Variants in ATP11B observed in about 807,000 individuals in gnomAD.
ATP11B encodes the protein phospholipid-transporting ATPase IF.
ATP11B carries 81 observed loss-of-function variants against 157.8 expected under a neutral mutation model. The ratio of observed to expected loss-of-function variants is 0.51; its 90% CI spans 0.43 to 0.62. The LOEUF (loss-of-function observed/expected upper bound fraction) is 0.62. Ranked by LOEUF, ATP11B falls within the 20% of genes least tolerant of loss-of-function variation. The probability of loss-of-function intolerance (pLI) is 0.00; values close to 1 mark genes in which losing one functional copy is unlikely to be tolerated. For missense variants in ATP11B, 1,165 were observed against 1,402.2 expected, an observed-to-expected ratio of 0.83 and a Z score of 2.70; for synonymous variants, 451 against 469.4, an observed-to-expected ratio of 0.96 and a Z score of 0.51.
intron 19 of ATP11B, among the ~76,000 whole-genome samples, chr3:182,875,518 CACAACCTCCG>C (rs1454302236): frequency 1.3e-5 from 2 of 152,106 alleles, no homozygotes; most frequent in Non-Finnish European, 2.9e-5. Flanking sequence ...CTCGGTTCAC[CACAACCTCCG>C]CCTTCCGGGT....
At chr3:182,845,392 G>A (rs1719432834) in intron 8 of ATP11B, 66 bp from the exon 9 acceptor site, 2 of 1,339,842 alleles carry the variant, frequency 1.5e-6, no homozygotes, top group Non-Finnish European at 2.1e-6. Flanking sequence ...TGCTGAAGAT[G>A]CCATTTCAGA....
chr3:182,875,306 A>G (rs909901797), intron 19 of ATP11B, among the ~76,000 whole-genome samples: 1 of 152,158 alleles, frequency 6.6e-6, no homozygotes, highest in African/African-American at 2.4e-5. Context: ...ATATACATTC[A>G]GTGTTTTCTA....
rs1186373525 is a variant in ATP11B at position 182,921,312 on chromosome 3, C to G, written c.*3208C>G. On this transcript the variant is annotated 3_prime_UTR_variant, in exon 30 of 30. Coordinates refer to ENST00000323116, the MANE Select transcript of ATP11B (RefSeq NM_014616.3). ...TTATTTCTATTTTGAAATGAGTTAT[C>G]TATTTTCATAAAAGTAAAACACTAT... The G allele has an allele frequency of 6.6e-6, 1 of 151,826 alleles. No homozygotes were observed. The highest frequency in any genetic ancestry group is 6.5e-5 in the Admixed American group (1 of 15,274). 9.4% of individuals were successfully genotyped at this position (151,826 alleles called of 1,614,324 possible).
At chr3:182,866,155 A>T in intron 13 of ATP11B, 113 bp from the exon 14 acceptor site, 2 of 749,282 alleles carry the variant, frequency 2.7e-6, no homozygotes, top group Non-Finnish European at 4.0e-6. Context: ...ACTGTTATTC[A>T]GGCAATCAAG....
chr3:182,911,473 C>A (rs1343380463), intron 28 of ATP11B, among the ~76,000 whole-genome samples: 1 of 152,086 alleles, frequency 6.6e-6, no homozygotes, highest in African/African-American at 2.4e-5. Context: ...AACCAAGATT[C>A]AAGCCCCAGA....
intron 29 of ATP11B, chr3:182,916,180 T>C: frequency 1.0e-6 from 1 of 985,300 alleles, no homozygotes; most frequent in African/African-American, 1.7e-5. Flanking sequence ...TTTGTTTACA[T>C]ATAATTGTAT....
At chr3:182,794,062 C>G (rs987455823) in intron 1 of ATP11B, among the ~76,000 whole-genome samples, 1 of 152,188 alleles carries the variant, frequency 6.6e-6, no homozygotes, top group African/African-American at 2.4e-5. Context: ...TCCCCCTTGC[C>G]GCTCCGGGGC....
intron 4 of ATP11B, among the ~76,000 whole-genome samples, chr3:182,835,333 AT>A (rs1560073889): frequency 1.3e-5 from 2 of 152,220 alleles, no homozygotes; most frequent in African/African-American, 4.8e-5. Flanking sequence ...AAATCTGCTC[AT>A]TTTTTTCTAC....
intron 9 of ATP11B, among the ~76,000 whole-genome samples, chr3:182,847,918 A>C (rs1311095719): frequency 1.3e-5 from 2 of 152,212 alleles, no homozygotes; most frequent in Non-Finnish European, 2.9e-5. Context: ...TACTACTGTC[A>C]TCCTTGCTCA....
At chr3:182,845,560 T>C (rs1719448465) in intron 9 of ATP11B, 38 bp downstream of exon 9, 1 of 1,385,226 alleles carries the variant, frequency 7.2e-7, no homozygotes, top group African/African-American at 1.5e-5. Context: ...TATTGATTTG[T>C]GTTGATGCTT....
At position 182,828,155 on chromosome 3, in the gene ATP11B, T is replaced by G. The variant is rs1490311188; in HGVS notation, c.180T>G (p.Phe60Leu). ...GGAATTTTGTTCCAAAAAATTTATT[T>G]GAACAGTTCAGAAGAGTGGCAAACT... is the stretch of plus-strand genomic sequence containing the variant. The part of the protein sequence containing the change: ...TVWNFVPKNL[F>L]EQFRRVANFY... The change falls in exon 3 of 30, where the codon TTT becomes TTG. Residue 60 changes from phenylalanine (F) to leucine (L), a missense_variant. By Grantham distance (22) the Phe-to-Leu change is conservative. Coordinates refer to ENST00000323116, the MANE Select transcript of ATP11B (RefSeq NM_014616.3). The G allele has an allele frequency of 2.7e-6, 4 of 1,492,334 alleles. 1 individual carries two copies. In the South Asian group the frequency reaches 5.7e-5, roughly 21 times the overall value. The allele number at this position is 1,492,334 out of a possible 1,614,324, so 92.4% of individuals were successfully genotyped here. A position where few individuals can be genotyped will look rare whatever the true frequency, so the allele number is the denominator to read the frequency against.
chr3:182,907,175 C>T (rs954933267), intron 28 of ATP11B, among the ~76,000 whole-genome samples: 18 of 151,942 alleles, frequency 1.2e-4, no homozygotes, highest in African/African-American at 2.2e-4. Context: ...ACAACCATTT[C>T]GAGACCTAAT....
chr3:182,810,966 A>AT (rs1716628511), intron 1 of ATP11B, among the ~76,000 whole-genome samples: 3 of 152,182 alleles, frequency 2.0e-5, no homozygotes, highest in African/African-American at 7.2e-5. Context: ...TATACAAGTA[A>AT]TTTTTTAAAA....
chr3:182,883,887 G>A (rs1347586831), intron 21 of ATP11B, among the ~76,000 whole-genome samples: 3 of 147,476 alleles, frequency 2.0e-5, no homozygotes, highest in South Asian at 2.2e-4. Flanking sequence ...CCTGGGAGGC[G>A]GAGCTTGCAG....
chr3:182,839,703 C>T (rs1283944913), intron 7 of ATP11B, among the ~76,000 whole-genome samples: 1 of 151,912 alleles, frequency 6.6e-6, no homozygotes, highest in Non-Finnish European at 1.5e-5. Flanking sequence ...CCCGGACTCC[C>T]GGGTTCAAGC....
intron 6 of ATP11B, 29 bp downstream of exon 6, chr3:182,836,499 C>T: frequency 6.2e-7 from 1 of 1,612,968 alleles, no homozygotes; most frequent in Admixed American, 1.7e-5. Context: ...GAGTATTGCT[C>T]TTGGTGAACA....
intron 1 of ATP11B, among the ~76,000 whole-genome samples, chr3:182,798,047 A>T (rs1715743416): frequency 6.6e-6 from 1 of 152,034 alleles, no homozygotes; most frequent in South Asian, 2.1e-4. Context: ...TAGGGTGGGA[A>T]GGTCACTTGA....
At chr3:182,898,841 TATAATTTGATTATGTC>T in intron 28 of ATP11B, 69 bp downstream of exon 28, 1 of 1,076,028 alleles carries the variant, frequency 9.3e-7, no homozygotes, top group East Asian at 2.9e-5. Context: ...TAGCTGTCAT[TATAATTTGATTATGTC>T]AGAAAATAGG....
intron 25 of ATP11B, among the ~76,000 whole-genome samples, chr3:182,895,928 G>C (rs970673978): frequency 6.6e-6 from 1 of 152,188 alleles, no homozygotes; most frequent in Non-Finnish European, 1.5e-5. Flanking sequence ...AGGTGGTTAG[G>C]CAGGATGTTT....
Sources: allele counts gnomAD v4.1 joint callset (sites outside exome capture counted in the v4.1 genomes callset), GRCh38; gene constraint gnomAD v4.1.1; transcripts MANE v1.5; gene names NCBI Gene and HGNC (gene_info 2026-07-23, HGNC 2026-07-21).